Variants in ERICH2 observed in about 807,000 individuals in gnomAD.
ERICH2 encodes the protein glutamate rich 2.
In ERICH2, 17 loss-of-function variants were observed where a neutral mutation model predicts 17.4. That is an observed-to-expected ratio of 0.98 (90% CI 0.67 to 1.47). The LOEUF (loss-of-function observed/expected upper bound fraction) is 1.47, where lower values mean the gene tolerates loss of function less well. Among genes scored for constraint, ERICH2 ranks in the 40% most tolerant of loss-of-function variants. The pLI is 0.00. For synonymous variants in ERICH2, 51 were observed against 61.1 expected, an observed-to-expected ratio of 0.83 and a Z score of 0.77; for missense variants, 186 against 183.2, an observed-to-expected ratio of 1.01 and a Z score of -0.09.
Position 170,784,139 on chromosome 2 carries a change from C to G in ERICH2, c.28+273C>G, listed in dbSNP as rs115037645. Among the ~76,000 whole-genome samples, 613 of 152,084 alleles carry G rather than the reference C, an allele frequency of 4.0e-3. 2 individuals carry two copies. Among genetic ancestry groups the G allele is most frequent in the African/African-American group, 0.014 (563 of 41,490 alleles). On this transcript the variant is annotated intron_variant, in intron 1 of 4. Transcript: ENST00000409885. ...TCAAAGAAGGCATCTCAGAGACTTC[C>G]CAGGCACTCAAAATCATACAAGAAG...
chr2:170,795,784 C>G (rs985863533), intron 3 of ERICH2, among the ~76,000 whole-genome samples: 1 of 152,176 alleles, frequency 6.6e-6, no homozygotes, highest in East Asian at 1.9e-4. Flanking sequence ...AAGTCAAAAG[C>G]CTGCAGCTCA....
chr2:170,781,047 A>G (rs1310552613), upstream of ERICH2, among the ~76,000 whole-genome samples: 1 of 152,194 alleles, frequency 6.6e-6, no homozygotes, highest in Non-Finnish European at 1.5e-5. Flanking sequence ...TCATTTCCAG[A>G]GAAGGGTTTT....
the ERICH2 span, chr2:170,777,641 C>G: frequency 8.1e-7 from 1 of 1,232,348 alleles, no homozygotes; most frequent in Non-Finnish European, 1.0e-6. Flanking sequence ...TTTTCTCTTT[C>G]AGAAAAAGTG....
the ERICH2 span, chr2:170,777,576 C>A: frequency 9.0e-7 from 1 of 1,105,840 alleles, no homozygotes; most frequent in Non-Finnish European, 1.1e-6. Flanking sequence ...TAAATATTTG[C>A]CATTTAGAAG....
intron 2 of ERICH2, among the ~76,000 whole-genome samples, chr2:170,790,396 G>A (rs1343884366): frequency 1.3e-5 from 2 of 152,222 alleles, no homozygotes; most frequent in Non-Finnish European, 2.9e-5. Context: ...GGAGGCCAAG[G>A]CAGGCGGATC....
chr2:170,783,001 A>C (rs941381664), upstream of ERICH2, among the ~76,000 whole-genome samples: 1 of 152,160 alleles, frequency 6.6e-6, no homozygotes, highest in African/African-American at 2.4e-5. Context: ...GGAAGGCTGA[A>C]GCAGGAGGAT....
intron 2 of ERICH2, 75 bp from the exon 8 acceptor site, chr2:170,792,788 A>T: frequency 1.1e-6 from 1 of 911,132 alleles, no homozygotes; most frequent in Non-Finnish European, 1.6e-6. Flanking sequence ...ACTAATGATT[A>T]ATGGAAGATT....
intron 3 of ERICH2, among the ~76,000 whole-genome samples, chr2:170,794,177 G>T (rs1020522651): frequency 1.6e-5 from 2 of 123,770 alleles, no homozygotes; most frequent in South Asian, 2.8e-4. Context: ...TGCAATCTCC[G>T]CTCACTGCAA....
chr2:170,784,565 T>G, intron 1 of ERICH2, 81 bp from the exon 7 acceptor site: 4 of 671,472 alleles, frequency 6.0e-6, no homozygotes, highest in Non-Finnish European at 9.3e-6. Flanking sequence ...ATCAGTTTAA[T>G]GAATAGTAAT....
chr2:170,785,102 C>G (rs1272149788), intron 2 of ERICH2, among the ~76,000 whole-genome samples: 2 of 152,048 alleles, frequency 1.3e-5, no homozygotes, highest in African/African-American at 4.8e-5. Flanking sequence ...TTATTGTATA[C>G]TTTAGCCAGA....
chr2:170,798,234 C>A (rs1575413683), intron 4 of ERICH2, 122 bp downstream of exon 9: 4 of 706,520 alleles, frequency 5.7e-6, no homozygotes, highest in Non-Finnish European at 9.7e-6. Flanking sequence ...GGCTAAATGG[C>A]TGTCTTAAAT....
chr2:170,780,922 A>T (rs1701010928), upstream of ERICH2, among the ~76,000 whole-genome samples: 1 of 152,244 alleles, frequency 6.6e-6, no homozygotes. Context: ...TGAATATTTC[A>T]GTGATTCTAC....
chr2:170,777,761 C>A, the ERICH2 span: 1 of 963,028 alleles, frequency 1.0e-6, no homozygotes, highest in Non-Finnish European at 1.3e-6. Context: ...AGCCATTTGT[C>A]ACCCAATTAA....
chr2:170,779,720 A>G (rs1318919601), upstream of ERICH2: 1 of 465,632 alleles, frequency 2.1e-6, no homozygotes. Context: ...CTTTTCTTAC[A>G]TAATCACGTG....
chr2:170,787,809 A>G (rs1391364291), intron 2 of ERICH2, among the ~76,000 whole-genome samples: 3 of 151,694 alleles, frequency 2.0e-5, no homozygotes, highest in Admixed American at 6.6e-5. Flanking sequence ...GAAACAGCCT[A>G]CAAGTGGTAA....
the ERICH2 span, among the ~76,000 whole-genome samples, chr2:170,773,213 G>A: frequency 6.6e-6 from 1 of 152,106 alleles, no homozygotes. Context: ...GGGAAAGGGT[G>A]GTTATCATCT....
intron 2 of ERICH2, among the ~76,000 whole-genome samples, chr2:170,788,971 T>A (rs898005388): frequency 7.2e-5 from 11 of 151,764 alleles, no homozygotes; most frequent in East Asian, 1.9e-4. Context: ...TTATTTTTTT[T>A]AATTTTTTGA....
intron 2 of ERICH2, 76 bp downstream of exon 7, chr2:170,784,909 C>T: frequency 1.4e-5 from 17 of 1,191,918 alleles, no homozygotes; most frequent in Non-Finnish European, 1.8e-5. Context: ...TTTAAAATCA[C>T]TACTGTGAGA....
chr2:170,784,740 G>A (rs552972968), exon 2 of ERICH2: 2 of 1,546,582 alleles, frequency 1.3e-6, no homozygotes, highest in African/African-American at 2.7e-5. Flanking sequence ...AATCAGCAGA[G>A]GATGATGGTG....
Sources: allele counts gnomAD v4.1 joint callset (sites outside exome capture counted in the v4.1 genomes callset), GRCh38; gene constraint gnomAD v4.1.1; transcripts MANE v1.5; gene names NCBI Gene and HGNC (gene_info 2026-07-23, HGNC 2026-07-21).